PRUNE2: variants seen among roughly 807,000 people sequenced by gnomAD.
PRUNE2 encodes protein prune homolog 2.
Under a neutral mutation model 252.0 loss-of-function variants are expected in PRUNE2, and 164 were observed. That is an observed-to-expected ratio of 0.65 (90% confidence interval 0.57 to 0.74). The LOEUF is 0.74. Ranked by LOEUF, PRUNE2 falls within the 30% of genes least tolerant of loss-of-function variation. PRUNE2 has a pLI of 0.00. For synonymous variants in PRUNE2, 1,292 were observed against 1,350.2 expected (o/e 0.96, Z 0.94); for missense variants, 3,495 against 3,711.0 (o/e 0.94, Z 1.51).
Position 76,711,359 on chromosome 9 carries a change from C to A in PRUNE2, c.916-1G>T. ...GACACTCTTCCAGCTCACAGCAAAT[C>A]TGTCGGAAGGCACAGGAATTTGTGT... On this transcript the variant is annotated splice_acceptor_variant, in intron 7 of 18. Transcript: ENST00000376718. LOFTEE classifies it high-confidence loss of function. The A allele has an allele frequency of 6.2e-7, 1 of 1,604,384 alleles. No homozygotes were observed. The highest frequency in any genetic ancestry group is 8.5e-7 in the Non-Finnish European group (1 of 1,174,634).
chr9:76,870,276 CT>C (rs35189740), intron 1 of PRUNE2, among the ~76,000 whole-genome samples: 10,469 of 144,616 alleles, frequency 0.072, 434 homozygotes, highest in African/African-American at 0.13. Flanking sequence ...GACTCCCTAA[CT>C]TTTTTTTTTT....
chr9:76,793,952 G>T (rs1160348641), intron 6 of PRUNE2, among the ~76,000 whole-genome samples: 1 of 152,122 alleles, frequency 6.6e-6, no homozygotes, highest in African/African-American at 2.4e-5. Context: ...GGGCTATAAA[G>T]ACATTATGAA....
chr9:76,710,086 TATCATTGCTA>T lies in PRUNE2; in HGVS notation c.2178_2187del (p.Ser727PhefsTer32), dbSNP rs1461719793. On this transcript the variant is annotated frameshift_variant, in exon 8 of 19. Coordinates refer to ENST00000376718, the MANE Select transcript of PRUNE2 (RefSeq NM_015225.3). LOFTEE classifies it high-confidence loss of function. ...AAGCTTTCCTCATTTTTGTCTTGAA[TATCATTGCTA>T]CCCAGTTCAGGCTGACCAAATTCAG... The T allele has an allele frequency of 2.5e-6, 4 of 1,613,978 alleles. No individual in the cohort carries two copies.
chr9:76,826,820 T>C, intron 4 of PRUNE2, 88 bp from the exon 5 acceptor site: 2 of 1,090,100 alleles, frequency 1.8e-6, no homozygotes, highest in East Asian at 5.0e-5. Flanking sequence ...GGCCTCTCAA[T>C]CTAAGCTTTC....
intron 11 of PRUNE2, among the ~76,000 whole-genome samples, chr9:76,647,798 C>A (rs1411646487): frequency 6.6e-6 from 1 of 152,044 alleles, no homozygotes; most frequent in East Asian, 1.9e-4. Context: ...CCTGTTTCTA[C>A]TAAAATACAA....
chr9:76,748,628 A>G lies in PRUNE2; in HGVS notation c.757-34907T>C, dbSNP rs535071315. 5 of 152,348 alleles carry G rather than the reference A, an allele frequency of 3.3e-5. No individual in the cohort carries two copies. In the East Asian group the frequency reaches 5.8e-4, roughly 18 times the overall value. The allele number at this position is 152,348 out of a possible 1,614,324, so 9.4% of individuals were successfully genotyped here. A position where few individuals can be genotyped will look rare whatever the true frequency, so the allele number is the denominator to read the frequency against. ...TGTATAATTTTAAAAGGTGAACTTT[A>G]TGGCACATAAATGATATCTCCATAA... On this transcript the variant is annotated intron_variant, in intron 6 of 18. Coordinates refer to ENST00000376718, the MANE Select transcript of PRUNE2 (RefSeq NM_015225.3).
chr9:76,798,846 TC>T (rs1184175443), intron 6 of PRUNE2, among the ~76,000 whole-genome samples: 1 of 152,138 alleles, frequency 6.6e-6, no homozygotes, highest in East Asian at 1.9e-4. Context: ...GGATTTGACT[TC>T]CCATGACTCT....
intron 18 of PRUNE2, among the ~76,000 whole-genome samples, chr9:76,614,910 G>T (rs114414837): frequency 0.078 from 11,920 of 152,196 alleles, 541 homozygotes; most frequent in South Asian, 0.2. Context: ...AAGATAAGGA[G>T]CATTAGTGTA....
At chr9:76,768,592 T>C (rs993737733) in intron 6 of PRUNE2, among the ~76,000 whole-genome samples, 9 of 115,156 alleles carry the variant, frequency 7.8e-5, no homozygotes, top group African/African-American at 3.7e-4. Flanking sequence ...TATGTGTGTG[T>C]GTGTGTGTGT....
chr9:76,754,328 CCTT>C (rs2050910115), intron 6 of PRUNE2, among the ~76,000 whole-genome samples: 1 of 152,148 alleles, frequency 6.6e-6, no homozygotes. Context: ...GACTTCCCCT[CCTT>C]GATTTTGCCG....
In PRUNE2 at chr9:76,869,549, A is replaced by C. The variant is rs147225350; in HGVS notation, c.37-15341T>G. 5.0e-3 allele frequency among the ~76,000 whole-genome samples: 765 copies of C among 152,344 alleles called. 7 individuals carry two copies. The highest frequency in any genetic ancestry group is 0.018 in the African/African-American group (732 of 41,580). Reference sequence around the variant, plus strand: ...TATCTGGTGCACAGTAGATATTCAAAAAATGTTTATTAAAATACACATTTT... The same window carrying C: ...TATCTGGTGCACAGTAGATATTCAACAAATGTTTATTAAAATACACATTTT... On this transcript the variant is annotated intron_variant, in intron 1 of 18. Coordinates refer to ENST00000376718, the MANE Select transcript of PRUNE2 (RefSeq NM_015225.3).
intron 6 of PRUNE2, among the ~76,000 whole-genome samples, chr9:76,810,403 A>G (rs1296912111): frequency 6.6e-6 from 1 of 152,210 alleles, no homozygotes; most frequent in African/African-American, 2.4e-5. Flanking sequence ...CTAAAATTCA[A>G]ATTATTCAAG....
chr9:76,677,368 C>T (rs1157923751), intron 9 of PRUNE2, among the ~76,000 whole-genome samples: 1 of 152,158 alleles, frequency 6.6e-6, no homozygotes, highest in Admixed American at 6.5e-5. Flanking sequence ...TCTCTGACTT[C>T]GAAAGCCTTT....
rs116382642 is a variant in PRUNE2, at chr9:76,725,329, G to A, written c.757-11608C>T. 4.8e-3 allele frequency among the ~76,000 whole-genome samples: 729 copies of A among 152,256 alleles called. 11 individuals carry two copies. Among genetic ancestry groups the A allele is most frequent in the African/African-American group, 0.017 (713 of 41,540 alleles). ...CTTTTGTTCCTCACGCTCCTTGCAT[G>A]GGGAGCACAATATGGCTCTTGTCAG... On this transcript the variant is annotated intron_variant, in intron 6 of 18. Transcript: ENST00000376718.
At position 76,905,937 on chromosome 9, in the gene PRUNE2, T is replaced by G; in HGVS notation, c.27A>C (p.Lys9Asn). 6.2e-7 allele frequency: 1 copy of G among 1,614,180 alleles called. No individual in the cohort carries two copies. The highest frequency in any genetic ancestry group is 8.5e-7 in the Non-Finnish European group (1 of 1,180,026). The change falls in exon 1 of 19, where the codon AAA becomes AAC. Residue 9 changes from lysine (K) to asparagine (N), a missense_variant. Lys to Asn is a moderately conservative substitution (Grantham distance 94). Coordinates refer to ENST00000376718, the MANE Select transcript of PRUNE2 (RefSeq NM_015225.3). The part of the protein sequence containing the change: MEEFLQRA[K>N]SKLNRSKRLE... ...TGCTCACTCAACTTACCAGTTTAGA[T>G]TTGGCGCGTTGCAAAAATTCTTCCA...
intron 9 of PRUNE2, among the ~76,000 whole-genome samples, chr9:76,675,928 G>A (rs1402865772): frequency 8.2e-6 from 1 of 121,418 alleles, no homozygotes; most frequent in African/African-American, 2.9e-5. Context: ...GATGGAGGGA[G>A]GTGGGAGGGA....
Position 76,629,341 on chromosome 9 carries a change from C to T in PRUNE2, c.9051-51G>A, listed in dbSNP as rs1836420391. On this transcript the variant is annotated intron_variant, in intron 15 of 18. Coordinates refer to ENST00000376718, the MANE Select transcript of PRUNE2 (RefSeq NM_015225.3). ...ATGTATCATTAGTCACTACCTTATC[C>T]ATTCTAAGGCTATTGCCTTTTCTTG... 3 of 943,798 alleles carry T rather than the reference C, an allele frequency of 3.2e-6. No homozygotes were observed. The Admixed American group carries it at 7.8e-5, about 25-fold the overall frequency. The allele number at this position is 943,798 out of a possible 1,614,324, so 58.5% of individuals were successfully genotyped here. A position where few individuals can be genotyped will look rare whatever the true frequency, so the allele number is the denominator to read the frequency against.
At chr9:76,747,990 G>T (rs1420196175) in intron 6 of PRUNE2, among the ~76,000 whole-genome samples, 1 of 151,960 alleles carries the variant, frequency 6.6e-6, no homozygotes, top group East Asian at 1.9e-4. Flanking sequence ...TAGAGACGGG[G>T]TTTCACCATC....
chr9:76,626,922 A>T (rs1264578711), intron 16 of PRUNE2, among the ~76,000 whole-genome samples: 1 of 152,144 alleles, frequency 6.6e-6, no homozygotes, highest in Non-Finnish European at 1.5e-5. Flanking sequence ...GAGAGGTAGG[A>T]GAGAAGGTTC....
Sources: allele counts gnomAD v4.1 joint callset (sites outside exome capture counted in the v4.1 genomes callset), GRCh38; gene constraint gnomAD v4.1.1; transcripts MANE v1.5; gene names NCBI Gene and HGNC (gene_info 2026-07-23, HGNC 2026-07-21).